Variants in UGT1A10 observed in about 807,000 individuals in gnomAD.
UGT1A10 encodes the protein UDP-glucuronosyltransferase 1A10.
In UGT1A10, 49 loss-of-function variants were observed where a neutral mutation model predicts 45.8. That is an observed-to-expected ratio of 1.07 (90% CI 0.85 to 1.36). The LOEUF (loss-of-function observed/expected upper bound fraction) is 1.36, where lower values mean the gene tolerates loss of function less well. Among genes scored for constraint, UGT1A10 ranks in the 40% most tolerant of loss-of-function variants. The pLI is 0.00. For synonymous variants in UGT1A10, 284 were observed against 249.7 expected, an observed-to-expected ratio of 1.14 and a Z score of -1.29; for missense variants, 745 against 668.6, an observed-to-expected ratio of 1.11 and a Z score of -1.26.
intron 1 of UGT1A10, among the ~76,000 whole-genome samples, chr2:233,676,430 A>G (rs1205481300): frequency 6.6e-6 from 1 of 152,154 alleles, no homozygotes; most frequent in Non-Finnish European, 1.5e-5. Context: ...CCATTGTTAA[A>G]TCTCATGTTT....
intron 1 of UGT1A10, chr2:233,729,465 T>A (rs757398194): frequency 5.6e-6 from 9 of 1,614,038 alleles, no homozygotes; most frequent in African/African-American, 2.7e-5. Flanking sequence ...TTTTCAGAAG[T>A]ATGGCAATGT....
chr2:233,741,488 C>CA (rs1484608191), intron 1 of UGT1A10: 1 of 151,842 alleles, frequency 6.6e-6, no homozygotes, highest in Non-Finnish European at 1.5e-5. Context: ...GTCTGATGTA[C>CA]AAAAAACTGA....
intron 1 of UGT1A10, chr2:233,755,162 G>C: frequency 2.3e-6 from 3 of 1,279,936 alleles, no homozygotes; most frequent in Non-Finnish European, 3.2e-6. Context: ...CCCTGTCCTC[G>C]GGGTTTTTGT....
chr2:233,744,001 A>T, intron 1 of UGT1A10: 1 of 1,207,940 alleles, frequency 8.3e-7, no homozygotes, highest in Non-Finnish European at 1.1e-6. Context: ...GAGTGCTCGG[A>T]GACCTGGGCC....
At chr2:233,696,804 T>C (rs1332294764) in intron 1 of UGT1A10, among the ~76,000 whole-genome samples, 3 of 152,228 alleles carry the variant, frequency 2.0e-5, no homozygotes, top group East Asian at 1.9e-4. Context: ...GTTCCTTCTG[T>C]AGCCAGTTTA....
At chr2:233,752,054 T>C (rs778755699) in intron 1 of UGT1A10, among the ~76,000 whole-genome samples, 4 of 152,312 alleles carry the variant, frequency 2.6e-5, no homozygotes, top group South Asian at 4.2e-4. Flanking sequence ...GTGTGAATGA[T>C]TTCCCGAGAT....
At chr2:233,698,027 C>G (rs1346477159) in intron 1 of UGT1A10, among the ~76,000 whole-genome samples, 1 of 152,070 alleles carries the variant, frequency 6.6e-6, no homozygotes, top group East Asian at 1.9e-4. Context: ...TACCAATTAT[C>G]TTATTTTTTC....
At chr2:233,695,313 G>A (rs1315730256) in intron 1 of UGT1A10, among the ~76,000 whole-genome samples, 1 of 151,566 alleles carries the variant, frequency 6.6e-6, no homozygotes, top group Non-Finnish European at 1.5e-5. Context: ...TTTAGTAGAG[G>A]CGGGGTTTCA....
intron 1 of UGT1A10, among the ~76,000 whole-genome samples, chr2:233,681,530 C>CAAA (rs747693860): frequency 8.2e-4 from 64 of 77,672 alleles, no homozygotes; most frequent in Admixed American, 1.8e-3. Flanking sequence ...GACTCCATCT[C>CAAA]AAAAAAAAAA....
intron 4 of UGT1A10, 90 bp downstream of exon 4, chr2:233,768,529 G>A (rs1019700183): frequency 2.7e-6 from 4 of 1,508,186 alleles, no homozygotes; most frequent in Non-Finnish European, 3.5e-6. Flanking sequence ...GCATTTAATA[G>A]CGTTGTTTCA....
intron 1 of UGT1A10, among the ~76,000 whole-genome samples, chr2:233,639,965 A>G (rs990552167): frequency 1.1e-4 from 16 of 152,228 alleles, no homozygotes; most frequent in African/African-American, 3.1e-4. Flanking sequence ...TTCCAACAGA[A>G]TTGATGACTG....
At chr2:233,724,943 T>TC (rs1416863608) in intron 1 of UGT1A10, among the ~76,000 whole-genome samples, 2 of 143,908 alleles carry the variant, frequency 1.4e-5, no homozygotes, top group Non-Finnish European at 3.0e-5. Context: ...CCGTCTGCAA[T>TC]CCCGGCACCT....
intron 1 of UGT1A10, among the ~76,000 whole-genome samples, chr2:233,661,217 C>T (rs1464764261): frequency 6.6e-6 from 1 of 151,610 alleles, no homozygotes; most frequent in African/African-American, 2.4e-5. Context: ...GTCTATTTTC[C>T]TACCTTAATT....
At position 233,769,359 on chromosome 2, in the gene UGT1A10, C is replaced by T. The variant is rs1218131588; in HGVS notation, c.1295+920C>T. 6.6e-6 allele frequency among the ~76,000 whole-genome samples: 1 copy of T among 152,174 alleles called. No individual in the cohort carries two copies. Among genetic ancestry groups the T allele is most frequent in the Non-Finnish European group, 1.5e-5 (1 of 68,040 alleles). On this transcript the variant is annotated intron_variant, in intron 4 of 4. Transcript: ENST00000344644. The surrounding 1 kb of genome is among the most constrained non-coding windows in gnomAD (Gnocchi z 4.4). ...AGAACCTTATGGGAAGAAGTGGTGG[C>T]CAGTGGTAGATTTCATCCGACAATA...
chr2:233,729,673 A>G (rs1282991761), intron 1 of UGT1A10: 1 of 1,613,898 alleles, frequency 6.2e-7, no homozygotes, highest in South Asian at 1.1e-5. Flanking sequence ...TTTAGACTTT[A>G]AGGGCACACA....
chr2:233,747,841 G>C (rs1575686388), intron 1 of UGT1A10: 1 of 1,613,504 alleles, frequency 6.2e-7, no homozygotes, highest in East Asian at 2.2e-5. Flanking sequence ...TTCCTGCAAA[G>C]GGTCAAGAAC....
rs746090346 is a variant in UGT1A10, at chr2:233,743,531, A to T, written c.856-23503A>T. 6 of 1,367,280 alleles carry T rather than the reference A, an allele frequency of 4.4e-6. No individual in the cohort carries two copies. The highest frequency in any genetic ancestry group is 5.9e-6 in the Non-Finnish European group (6 of 1,021,864). 84.7% of individuals were successfully genotyped at this position (1,367,280 alleles called of 1,614,324 possible). A position where few individuals can be genotyped will look rare whatever the true frequency, so the allele number is the denominator to read the frequency against. Reference sequence around the variant, plus strand: ...GACGCTCTGCTTCTGCTTCCCCAGCAGTTCCTCTGACCCCCCCAAAATATT... The same window carrying T: ...GACGCTCTGCTTCTGCTTCCCCAGCTGTTCCTCTGACCCCCCCAAAATATT... On this transcript the variant is annotated intron_variant, in intron 1 of 4. Transcript: ENST00000344644.
In UGT1A10 at chr2:233,707,494, G is replaced by A. The variant is rs114941817; in HGVS notation, c.856-59540G>A. On this transcript the variant is annotated intron_variant, in intron 1 of 4. Coordinates refer to ENST00000344644, the MANE Select transcript of UGT1A10 (RefSeq NM_019075.4). The stretch of plus-strand genomic sequence containing the variant: ...TAATACAGATGATTTTACCTGTTTC[G>A]GTACTTAACATAAATAGAATTTTAC... 7.8e-3 allele frequency among the ~76,000 whole-genome samples: 1,157 copies of A among 148,098 alleles called. 11 individuals are homozygous for A. Among genetic ancestry groups the A allele is most frequent in the African/African-American group, 0.026 (1,051 of 40,534 alleles).
At chr2:233,646,723 T>G (rs1335594742) in intron 1 of UGT1A10, among the ~76,000 whole-genome samples, 1 of 152,224 alleles carries the variant, frequency 6.6e-6, no homozygotes, top group African/African-American at 2.4e-5. Context: ...CATATTGCTA[T>G]CAGCATTTTG....
Sources: gnomAD v4.1 joint callset for allele counts (sites outside exome capture counted in the v4.1 genomes callset) on GRCh38, gnomAD v4.1.1 for gene constraint, Gnocchi (gnomAD v3.1) non-coding constraint, MANE v1.5 for transcripts, NCBI Gene and HGNC (gene_info 2026-07-23, HGNC 2026-07-21) for gene names.